Variants in CLASP1 observed in about 807,000 individuals in gnomAD.
CLASP1 encodes the protein cytoplasmic linker associated protein 1, also known as CLIP-associating protein 1.
Under a neutral mutation model 192.3 loss-of-function variants are expected in CLASP1, and 38 were observed. The ratio of observed to expected loss-of-function variants is 0.20; its 90% confidence interval spans 0.15 to 0.26. The LOEUF (loss-of-function observed/expected upper bound fraction) is 0.26. Ranked by LOEUF, CLASP1 falls within the 10% of genes least tolerant of loss-of-function variation. CLASP1 has a pLI of 1.00. For synonymous variants in CLASP1, 691 were observed against 712.8 expected (o/e 0.97, Z 0.49); for missense variants, 1,433 against 1,932.5 (o/e 0.74, Z 4.85).
At chr2:121,393,726 G>GC (rs2074775576) in intron 30 of CLASP1, among the ~76,000 whole-genome samples, 1 of 152,096 alleles carries the variant, frequency 6.6e-6, no homozygotes, top group Admixed American at 6.6e-5. Context: ...GGATTAATCT[G>GC]CAGTGCCCTA....
chr2:121,474,879 T>C (rs1281828205), intron 8 of CLASP1, among the ~76,000 whole-genome samples: 1 of 152,144 alleles, frequency 6.6e-6, no homozygotes, highest in Non-Finnish European at 1.5e-5. Flanking sequence ...CTAAGCAGAT[T>C]AGAAGCAACT....
intron 37 of CLASP1, among the ~76,000 whole-genome samples, chr2:121,361,108 T>C (rs1169056168): frequency 6.6e-6 from 1 of 152,230 alleles, no homozygotes; most frequent in Non-Finnish European, 1.5e-5. Flanking sequence ...CATGGACGGC[T>C]TGGCATTTCA....
chr2:121,553,991 G>A (rs2058283137), intron 2 of CLASP1, among the ~76,000 whole-genome samples: 1 of 151,830 alleles, frequency 6.6e-6, no homozygotes, highest in African/African-American at 2.4e-5. Context: ...AGATGGGAGA[G>A]CTGCTTAAGC....
intron 2 of CLASP1, among the ~76,000 whole-genome samples, chr2:121,536,438 T>C (rs2095081952): frequency 6.7e-6 from 1 of 148,832 alleles, no homozygotes; most frequent in Admixed American, 6.7e-5. Context: ...TTCCAGCAAT[T>C]CCATTTCTGG....
rs1480430286 is a variant in CLASP1, at chr2:121,418,693, T to G, written c.2249A>C (p.Gln750Pro). ...ACGGCTGGTATCGCGGCTGCACCCC[T>G]GACTCATGCTGGGTCGAGGGATACG... The change falls in exon 23 of 40, where the codon CAG (glutamine) becomes CCG (proline). Residue 750 changes from glutamine to proline, a missense_variant. This residue lies in a region of CLASP1 where 445 missense variants were observed against 535.5 expected (regional missense o/e 0.83). Transcript: ENST00000263710. 5 of 1,613,720 alleles carry G rather than the reference T, an allele frequency of 3.1e-6. No homozygotes were observed. The African/African-American group carries it at 6.7e-5, about 22-fold the overall frequency.
At chr2:121,465,137 C>A (rs2089256326) in intron 9 of CLASP1, among the ~76,000 whole-genome samples, 1 of 152,164 alleles carries the variant, frequency 6.6e-6, no homozygotes, top group Non-Finnish European at 1.5e-5. Flanking sequence ...TCTCACCACT[C>A]CTATTCAACA....
At chr2:121,506,034 G>A (rs1469538832) in intron 7 of CLASP1, among the ~76,000 whole-genome samples, 1 of 152,068 alleles carries the variant, frequency 6.6e-6, no homozygotes, top group Non-Finnish European at 1.5e-5. Flanking sequence ...GAAAGAAAAA[G>A]TTTTTTTAAA....
At chr2:121,410,824 G>A (rs1321910097) in intron 24 of CLASP1, 42 bp downstream of exon 25, 4 of 1,202,022 alleles carry the variant, frequency 3.3e-6, no homozygotes, top group African/African-American at 1.5e-5. Flanking sequence ...ATGCAGATGA[G>A]TATTTCAAAA....
intron 25 of CLASP1, among the ~76,000 whole-genome samples, chr2:121,407,053 T>C (rs1574428779): frequency 6.6e-6 from 1 of 151,992 alleles, no homozygotes; most frequent in East Asian, 1.9e-4. Flanking sequence ...CTGTCTCTAC[T>C]ACAAATACAA....
chr2:121,491,482 G>C (rs963334191), intron 8 of CLASP1, among the ~76,000 whole-genome samples: 1 of 152,184 alleles, frequency 6.6e-6, no homozygotes, highest in Non-Finnish European at 1.5e-5. Context: ...AAAGGACACT[G>C]AGTAGTCCAT....
At chr2:121,619,584 CA>C (rs2106088349) in intron 1 of CLASP1, among the ~76,000 whole-genome samples, 1 of 152,240 alleles carries the variant, frequency 6.6e-6, no homozygotes, top group Admixed American at 6.5e-5. Context: ...CACTTGCCAT[CA>C]GAAAATAATA....
intron 14 of CLASP1, among the ~76,000 whole-genome samples, chr2:121,455,742 G>A (rs757022139): frequency 1.3e-5 from 2 of 152,092 alleles, no homozygotes; most frequent in Non-Finnish European, 2.9e-5. Context: ...GACGCCTATG[G>A]TCTCAGCTAC....
chr2:121,440,980 T>A (rs1159347045), intron 19 of CLASP1, among the ~76,000 whole-genome samples: 1 of 152,180 alleles, frequency 6.6e-6, no homozygotes, highest in Non-Finnish European at 1.5e-5. Flanking sequence ...TTTCATGGAA[T>A]AAAGAAAGAT....
At chr2:121,382,248 C>G (rs778656548) in exon 33 of CLASP1, 3 of 1,608,532 alleles carry the variant, frequency 1.9e-6, no homozygotes, top group East Asian at 4.5e-5. Context: ...TGGGAGGGAG[C>G]GGTGGGGATG....
intron 2 of CLASP1, among the ~76,000 whole-genome samples, chr2:121,585,290 C>A (rs2061593703): frequency 6.6e-6 from 1 of 151,996 alleles, no homozygotes; most frequent in African/African-American, 2.4e-5. Flanking sequence ...GAGGGGAAGC[C>A]CCAACATTAC....
Position 121,525,977 on chromosome 2 carries a change from G to T in CLASP1, c.471-57C>A, listed in dbSNP as rs2094564762. On this transcript the variant is annotated intron_variant, in intron 5 of 39. Coordinates refer to ENST00000263710, the Ensembl canonical transcript of CLASP1. The stretch of plus-strand genomic sequence containing the variant: ...GAGAACTGAGGAAAGAAAGAAAGAT[G>T]CCTGTCTGCCCACACCTGCCCTTCC... 3.1e-6 allele frequency: 4 copies of T among 1,287,278 alleles called. No homozygotes were observed. In the Admixed American group the frequency reaches 7.4e-5, roughly 24 times the overall value. The allele number at this position is 1,287,278 out of a possible 1,614,324, so 79.7% of individuals were successfully genotyped here.
At chr2:121,536,204 A>AC (rs199968445) in intron 2 of CLASP1, among the ~76,000 whole-genome samples, 1,991 of 151,144 alleles carry the variant, frequency 0.013, 56 homozygotes, top group South Asian at 0.1. Context: ...ACACAGTGAA[A>AC]CCCCGTCTCT....
intron 8 of CLASP1, among the ~76,000 whole-genome samples, chr2:121,478,630 T>C (rs186645404): frequency 9.3e-3 from 301 of 32,278 alleles, no homozygotes; most frequent in Middle Eastern, 0.019. Context: ...CACACACACA[T>C]ACACACACAC....
chr2:121,574,165 TAAA>T (rs1440941620), intron 2 of CLASP1, among the ~76,000 whole-genome samples: 1 of 152,128 alleles, frequency 6.6e-6, no homozygotes, highest in East Asian at 1.9e-4. Context: ...CCGTCTCTAC[TAAA>T]AATAGAAAAA....
Sources: gnomAD v4.1 joint callset for allele counts (sites outside exome capture counted in the v4.1 genomes callset) on GRCh38, gnomAD v4.1.1 for gene constraint, gnomAD v4.1.1 regional missense constraint, MANE v1.5 for transcripts, NCBI Gene and HGNC (gene_info 2026-07-23, HGNC 2026-07-21) for gene names.